Variants in LZTS1 observed in about 807,000 individuals in gnomAD.
LZTS1 encodes leucine zipper putative tumor suppressor 1.
A neutral mutation model predicts 45.8 loss-of-function variants in LZTS1; 31 were observed. That is an observed-to-expected ratio of 0.68 (90% confidence interval 0.51 to 0.91). LZTS1 has a LOEUF of 0.91. Ranked by LOEUF, LZTS1 falls within the 40% of genes least tolerant of loss-of-function variation. The pLI is 0.00. For synonymous variants in LZTS1, 359 were observed against 357.3 expected, an observed-to-expected ratio of 1.00 and a Z score of -0.05; for missense variants, 821 against 788.9, an observed-to-expected ratio of 1.04 and a Z score of -0.49.
intron 1 of LZTS1, among the ~76,000 whole-genome samples, chr8:20,258,294 A>C (rs986597211): frequency 1.3e-5 from 2 of 152,216 alleles, no homozygotes; most frequent in Non-Finnish European, 2.9e-5. Flanking sequence ...AAAGGGGCTA[A>C]AGAAATCCCA....
intron 1 of LZTS1, among the ~76,000 whole-genome samples, chr8:20,302,460 G>C (rs1163123160): frequency 6.6e-6 from 1 of 152,120 alleles, no homozygotes; most frequent in Non-Finnish European, 1.5e-5. Context: ...TTTGAACTTA[G>C]AGAAAGCTCA....
intron 1 of LZTS1, among the ~76,000 whole-genome samples, 197 bp from the exon 2 acceptor site, chr8:20,255,512 T>C (rs1462644407): frequency 6.6e-6 from 1 of 152,166 alleles, no homozygotes; most frequent in Non-Finnish European, 1.5e-5. Context: ...CATGCAAGCC[T>C]CTACTCTAAA....
chr8:20,295,962 C>T (rs1348658670), intron 1 of LZTS1, among the ~76,000 whole-genome samples: 1 of 152,192 alleles, frequency 6.6e-6, no homozygotes, highest in Non-Finnish European at 1.5e-5. Context: ...CCTCTCTCCC[C>T]TCTCCTTGCA....
At chr8:20,251,069 T>C (rs2453910) in intron 3 of LZTS1, among the ~76,000 whole-genome samples, 104,564 of 130,894 alleles carry the variant, frequency 0.8, 41,830 homozygotes, top group East Asian at 0.93. Context: ...TGATAGCAAA[T>C]AGCTGGTGAA....
At chr8:20,277,346 C>T (rs1402805723) in intron 1 of LZTS1, among the ~76,000 whole-genome samples, 1 of 152,178 alleles carries the variant, frequency 6.6e-6, no homozygotes, top group East Asian at 1.9e-4. Context: ...TCCCGGAAAA[C>T]TCATGAATAA....
intron 1 of LZTS1, among the ~76,000 whole-genome samples, chr8:20,301,144 A>T (rs1355180065): frequency 7.1e-6 from 1 of 141,366 alleles, no homozygotes; most frequent in Non-Finnish European, 1.5e-5. Flanking sequence ...AAAAAAAAAA[A>T]AGTGGGAGCC....
intron 1 of LZTS1, among the ~76,000 whole-genome samples, chr8:20,264,155 TA>T (rs1800301936): frequency 1.3e-5 from 2 of 152,350 alleles, no homozygotes; most frequent in Non-Finnish European, 2.9e-5. Flanking sequence ...TCATGTCATA[TA>T]TATCATTCTG....
At chr8:20,295,547 C>T (rs1436870984) in intron 1 of LZTS1, among the ~76,000 whole-genome samples, 1 of 152,218 alleles carries the variant, frequency 6.6e-6, no homozygotes, top group Non-Finnish European at 1.5e-5. Flanking sequence ...TAGACCATTC[C>T]TAAGGCCTGG....
intron 1 of LZTS1, among the ~76,000 whole-genome samples, chr8:20,263,138 C>A (rs996197003): frequency 2.0e-5 from 3 of 152,172 alleles, no homozygotes; most frequent in South Asian, 2.1e-4. Context: ...AGAAGAGCTG[C>A]GGGGCTGGAC....
At chr8:20,262,352 G>C (rs1345449698) in intron 1 of LZTS1, among the ~76,000 whole-genome samples, 1 of 152,160 alleles carries the variant, frequency 6.6e-6, no homozygotes, top group East Asian at 1.9e-4. Context: ...AAGAGGGGAG[G>C]GGAGAAGGAA....
Position 20,288,543 on chromosome 8 carries a change from C to G in LZTS1, c.-135+15197G>C, listed in dbSNP as rs73669760. 6.9e-3 allele frequency among the ~76,000 whole-genome samples: 1,049 copies of G among 152,332 alleles called. 14 individuals carry two copies. Among genetic ancestry groups the G allele is most frequent in the African/African-American group, 0.024 (991 of 41,564 alleles). ...CTCACCCCAACCCCAAGAGGGTGCA[C>G]TGTTACTACCCCAACTGATGGATGC... is the stretch of plus-strand genomic sequence containing the variant. On this transcript the variant is annotated intron_variant, in intron 1 of 3. Coordinates refer to ENST00000381569, the MANE Select transcript of LZTS1 (RefSeq NM_021020.5).
intron 1 of LZTS1, among the ~76,000 whole-genome samples, chr8:20,272,551 T>C (rs1800494460): frequency 1.3e-5 from 2 of 152,188 alleles, no homozygotes; most frequent in Admixed American, 1.3e-4. Context: ...AGCTGCCCTG[T>C]GCTTCTCCTG....
rs1800003829 is a variant in LZTS1 at position 20,253,468 on chromosome 8, C to G, written c.463G>C (p.Asp155His). 1 of 1,607,316 alleles carries G rather than the reference C, an allele frequency of 6.2e-7. No homozygotes were observed. Among genetic ancestry groups the G allele is most frequent in the Non-Finnish European group, 8.5e-7 (1 of 1,177,454 alleles). Reference sequence around the variant, plus strand: ...TTCAGCTCCTGCTCCTTGGGCTTGTCTGGAGGGGCGGGGTGCAGCTGGTGG... The same window carrying G: ...TTCAGCTCCTGCTCCTTGGGCTTGTGTGGAGGGGCGGGGTGCAGCTGGTGG... Reference protein sequence around the residue: ...ASHQLHPAPPDKPKEQELKPG... With the variant: ...ASHQLHPAPPHKPKEQELKPG... The change falls in exon 3 of 4, where the codon GAC becomes CAC. Residue 155 changes from aspartate to histidine, a missense_variant. Physicochemically the swap from Asp to His is moderately conservative, Grantham distance 81 (BLOSUM62 -1). Coordinates refer to ENST00000381569, the MANE Select transcript of LZTS1 (RefSeq NM_021020.5).
chr8:20,261,634 G>A (rs1282137541), intron 1 of LZTS1, among the ~76,000 whole-genome samples: 1 of 152,240 alleles, frequency 6.6e-6, no homozygotes, highest in Admixed American at 6.5e-5. Context: ...TCTGGAATGT[G>A]GAGAGAGAGG....
intron 1 of LZTS1, among the ~76,000 whole-genome samples, chr8:20,264,738 C>G (rs1056261660): frequency 1.2e-4 from 18 of 152,174 alleles, no homozygotes; most frequent in African/African-American, 4.1e-4. Context: ...CCGTCCTCTG[C>G]CCCAAATGCT....
At chr8:20,298,480 A>G (rs1801015558) in intron 1 of LZTS1, among the ~76,000 whole-genome samples, 1 of 152,148 alleles carries the variant, frequency 6.6e-6, no homozygotes, top group African/African-American at 2.4e-5. Flanking sequence ...TCCACTTTTT[A>G]AAGTGTAAAG....
chr8:20,251,376 C>T (rs959671055), intron 3 of LZTS1, among the ~76,000 whole-genome samples: 7 of 151,716 alleles, frequency 4.6e-5, no homozygotes, highest in Non-Finnish European at 8.8e-5. Context: ...TGGGTAGGGT[C>T]GGATTTTCTC....
chr8:20,254,263 G>T (rs2128892539), intron 2 of LZTS1, among the ~76,000 whole-genome samples: 1 of 152,326 alleles, frequency 6.6e-6, no homozygotes, highest in South Asian at 2.1e-4. Context: ...GCTGGTGTGA[G>T]GGCTGGATTT....
At position 20,253,293 on chromosome 8, in the gene LZTS1, A is replaced by G; in HGVS notation, c.638T>C (p.Ile213Thr). ...GTCCTGGAGGACGATGCCCTGGGTG[A>G]TGTTGTGGGCGGAGCCCCCAAAACG... Reference protein sequence around the residue: ...TSRFGGSAHNITQGIVLQDSN... With the variant: ...TSRFGGSAHNTTQGIVLQDSN... Residue 213 changes from isoleucine (I) to threonine (T), a missense_variant, in exon 3 of 4, where the codon ATC (isoleucine) becomes ACC (threonine). Ile to Thr is a moderately conservative substitution (Grantham distance 89, BLOSUM62 -1). Transcript: ENST00000381569. 1 of 1,614,054 alleles carries G rather than the reference A, an allele frequency of 6.2e-7. No individual in the cohort carries two copies. Among genetic ancestry groups the G allele is most frequent in the Non-Finnish European group, 8.5e-7 (1 of 1,180,024 alleles).
Sources: gnomAD v4.1 joint callset for allele counts (sites outside exome capture counted in the v4.1 genomes callset) on GRCh38, gnomAD v4.1.1 for gene constraint, MANE v1.5 for transcripts, NCBI Gene and HGNC (gene_info 2026-07-23, HGNC 2026-07-21) for gene names.